The following PARP4 variants were observed in gnomAD, a reference collection of about 807,000 sequenced individuals.
The protein encoded by PARP4 is poly(ADP-ribose) polymerase family member 4.
In PARP4, 120 loss-of-function variants were observed where a neutral mutation model predicts 187.7. That is an observed-to-expected ratio of 0.64 (90% CI 0.55 to 0.74). The LOEUF (loss-of-function observed/expected upper bound fraction) is 0.74, where lower values mean the gene tolerates loss of function less well. Ranked by LOEUF, PARP4 falls within the 30% of genes least tolerant of loss-of-function variation. The pLI, the probability that PARP4 is intolerant of heterozygous loss-of-function variation, is 0.00. For synonymous variants in PARP4, 654 were observed against 740.9 expected, an observed-to-expected ratio of 0.88 and a Z score of 1.90; for missense variants, 1,836 against 2,070.5, an observed-to-expected ratio of 0.89 and a Z score of 2.20.
chr13:24,453,707 G>A (rs1286391039), intron 22 of PARP4, 53 bp from the exon 23 acceptor site: 1 of 952,470 alleles, frequency 1.0e-6, no homozygotes, highest in African/African-American at 1.6e-5. Context: ...ACTTGCTTGA[G>A]CACTAACAAA....
rs1030558738 is a variant in PARP4 at position 24,459,549 on chromosome 13, A to G, written c.2299-239T>C. 3.7e-4 allele frequency: 153 copies of G among 409,856 alleles called. 2 individuals are homozygous for G. The highest frequency in any genetic ancestry group is 6.0e-4 in the Non-Finnish European group (137 of 229,258). The allele number at this position is 409,856 out of a possible 1,614,324, so 25.4% of individuals were successfully genotyped here. A position where few individuals can be genotyped will look rare whatever the true frequency, so the allele number is the denominator to read the frequency against. On this transcript the variant is annotated intron_variant, in intron 18 of 33. Coordinates refer to ENST00000381989, the MANE Select transcript of PARP4 (RefSeq NM_006437.4). ...TGTGTGTATACACACACACACACGC[A>G]CACACACACACACACACATTTTATA...
chr13:24,450,634 G>A (rs533467613), intron 24 of PARP4, among the ~76,000 whole-genome samples: 17 of 152,296 alleles, frequency 1.1e-4, no homozygotes, highest in Non-Finnish European at 2.1e-4. Context: ...CAGGACTCAC[G>A]CCAAGGAGGA....
In PARP4 at chr13:24,442,731, T is replaced by C. The variant is rs183175702; in HGVS notation, c.3448-46A>G. On this transcript the variant is annotated intron_variant, in intron 28 of 33. Coordinates refer to ENST00000381989, the MANE Select transcript of PARP4 (RefSeq NM_006437.4). The stretch of plus-strand genomic sequence containing the variant: ...AATCATGTCCTGTTTTATTTCTATT[T>C]CGCTATGTCAGTAAATCATTTTAAG... The C allele has an allele frequency of 3.7e-5, 40 of 1,088,416 alleles. No individual in the cohort carries two copies. The African/African-American group carries it at 4.8e-4, about 13-fold the overall frequency. The allele number at this position is 1,088,416 out of a possible 1,614,324, so 67.4% of individuals were successfully genotyped here.
intron 14 of PARP4, among the ~76,000 whole-genome samples, chr13:24,476,737 C>G (rs1403277696): frequency 6.6e-6 from 1 of 152,214 alleles, no homozygotes; most frequent in African/African-American, 2.4e-5. Context: ...TGTGTTCTTA[C>G]AGTCCTACTA....
At position 24,425,660 on chromosome 13, in the gene PARP4, G is replaced by A. The variant is rs570377045; in HGVS notation, c.4979+806C>T. Among the ~76,000 whole-genome samples, 177 of 151,758 alleles carry A rather than the reference G, an allele frequency of 1.2e-3. 3 individuals are homozygous for A. The highest frequency in any genetic ancestry group is 0.011 in the South Asian group (53 of 4,798). On this transcript the variant is annotated intron_variant, in intron 33 of 33. Transcript: ENST00000381989. ...CTTGACCCTCTTGCCATGGGGTGGG[G>A]GGTCTGTAGGGACAAGAGAATATGC... is the stretch of plus-strand genomic sequence containing the variant.
intron 26 of PARP4, 101 bp from the exon 27 acceptor site, chr13:24,446,862 A>G: frequency 1.5e-6 from 2 of 1,378,062 alleles, no homozygotes; most frequent in South Asian, 2.6e-5. Flanking sequence ...CCTTTCAATA[A>G]AAACTAGAAG....
chr13:24,478,632 CTA>C (rs1179576374), intron 12 of PARP4, among the ~76,000 whole-genome samples: 1 of 152,012 alleles, frequency 6.6e-6, no homozygotes, highest in Non-Finnish European at 1.5e-5. Flanking sequence ...TGGGGTCTCA[CTA>C]TGTTTCCCAG....
At chr13:24,459,197 A>G in intron 19 of PARP4, 67 bp downstream of exon 19, 1 of 1,582,812 alleles carries the variant, frequency 6.3e-7, no homozygotes, top group East Asian at 2.2e-5. Flanking sequence ...AAACAATTCT[A>G]AATGGAAATT....
chr13:24,423,049 G>T (rs530633618), intron 33 of PARP4, among the ~76,000 whole-genome samples: 1 of 152,198 alleles, frequency 6.6e-6, no homozygotes, highest in African/African-American at 2.4e-5. Context: ...TCAAAAGCAG[G>T]TTCAAAGTTT....
In PARP4 at chr13:24,487,834, G is replaced by A. The variant is rs139761678; in HGVS notation, c.1215-1529C>T. Among the ~76,000 whole-genome samples, 199 of 152,292 alleles carry A rather than the reference G, an allele frequency of 1.3e-3. 3 individuals are homozygous for A. The East Asian group carries it at 0.02, about 15-fold the overall frequency. The stretch of plus-strand genomic sequence containing the variant: ...AGCACACCCCCGGGTGAGCAGCATC[G>A]GGGTGATTCAGGCTGGGTTATGTTC... On this transcript the variant is annotated intron_variant, in intron 10 of 33. Coordinates refer to ENST00000381989, the MANE Select transcript of PARP4 (RefSeq NM_006437.4).
Position 24,459,145 on chromosome 13 carries a change from T to A in PARP4, c.2346-23A>T, listed in dbSNP as rs1331083324. 5.0e-6 allele frequency: 8 copies of A among 1,586,952 alleles called. No homozygotes were observed. The Admixed American group carries it at 1.4e-4, about 28-fold the overall frequency. ...AAGCTAGCAAAAATGAAGAGAAAGT[T>A]GTCTTAGTCTACGATCTTAAATTTC... On this transcript the variant is annotated intron_variant, in intron 19 of 33. Transcript: ENST00000381989.
intron 24 of PARP4, among the ~76,000 whole-genome samples, chr13:24,450,813 C>G (rs1381468865): frequency 6.6e-6 from 1 of 152,224 alleles, no homozygotes; most frequent in Non-Finnish European, 1.5e-5. Context: ...GGCAGAGTCT[C>G]CTCTTGGAGC....
rs1868592139 is a variant in PARP4 at position 24,490,698 on chromosome 13, AC to A, written c.1183del (p.Val395LeufsTer26). ...ATGATTCTGCAAAACCTCTTTTCTAACCCTGAGAAATTCTTCAGTATTCTGT... is the reference window on the plus strand; with the variant it reads ...ATGATTCTGCAAAACCTCTTTTCTAACCTGAGAAATTCTTCAGTATTCTGT... ...VEQNTEEFLR[V>X]RKEVLQNHHS... On this transcript the variant is annotated frameshift_variant, in exon 10 of 34. Coordinates refer to ENST00000381989, the MANE Select transcript of PARP4 (RefSeq NM_006437.4). LOFTEE classifies it high-confidence loss of function. The A allele has an allele frequency of 1.2e-6, 2 of 1,613,748 alleles. No individual in the cohort carries two copies. The highest frequency in any genetic ancestry group is 3.3e-5 in the Admixed American group (2 of 59,972).
In PARP4 at chr13:24,469,989, C is replaced by T. The variant is rs769241665; in HGVS notation, c.1951G>A (p.Val651Met). ...VFQTYTNKSH[V>M]PIEAKYIFPL... ...AAGATATATTTTGCCTCAATGGGCA[C>T]GTGACTTTTATTTGTGTATGTCTGA... Residue 651 changes from valine to methionine, a missense_variant, in exon 16 of 34, where the codon GTG (valine) becomes ATG (methionine). By Grantham distance (21) the Val-to-Met change is conservative. Transcript: ENST00000381989. The T allele has an allele frequency of 2.0e-5, 33 of 1,613,432 alleles. No homozygotes were observed. Among genetic ancestry groups the T allele is most frequent in the South Asian group, 1.8e-4 (16 of 91,070 alleles).
chr13:24,460,860 A>T (rs1007523931), intron 17 of PARP4, among the ~76,000 whole-genome samples: 3 of 151,990 alleles, frequency 2.0e-5, no homozygotes, highest in Non-Finnish European at 4.4e-5. Context: ...ATATTTTTGT[A>T]CAGATGGGGT....
At chr13:24,428,489 T>C (rs1046733696) in intron 32 of PARP4, among the ~76,000 whole-genome samples, 2 of 152,162 alleles carry the variant, frequency 1.3e-5, no homozygotes, top group African/African-American at 4.8e-5. Context: ...CTTGACAATA[T>C]ATTTATCTTG....
intron 11 of PARP4, 118 bp downstream of exon 11, chr13:24,486,050 C>T (rs568099691): frequency 5.3e-4 from 430 of 809,766 alleles, no homozygotes; most frequent in Non-Finnish European, 7.4e-4. Flanking sequence ...ATGCAGTAAG[C>T]TAGCTGATTT....
chr13:24,437,572 C>T (rs989579258), intron 30 of PARP4, among the ~76,000 whole-genome samples: 2 of 139,520 alleles, frequency 1.4e-5, no homozygotes, highest in Admixed American at 1.4e-4. Flanking sequence ...ACAGATAACA[C>T]CCAGGAAGTG....
intron 17 of PARP4, among the ~76,000 whole-genome samples, chr13:24,465,802 C>T (rs1430356655): frequency 1.3e-5 from 2 of 151,408 alleles, no homozygotes; most frequent in African/African-American, 2.4e-5. Flanking sequence ...GAATATATAA[C>T]AACACATTGT....
Sources: gnomAD v4.1 joint callset for allele counts (sites outside exome capture counted in the v4.1 genomes callset) on GRCh38, gnomAD v4.1.1 for gene constraint, MANE v1.5 for transcripts, NCBI Gene and HGNC (gene_info 2026-07-23, HGNC 2026-07-21) for gene names.